The following ASTN1 variants were observed in gnomAD, a reference collection of about 807,000 sequenced individuals.
ASTN1 encodes the protein astrotactin 1.
Under a neutral mutation model 140.7 loss-of-function variants are expected in ASTN1, and 41 were observed. The observed-to-expected ratio is 0.29, with a 90% CI of 0.23 to 0.38. ASTN1 has a LOEUF of 0.38. ASTN1 is among the 10% of genes least tolerant of loss of function. The pLI is 1.00. For missense variants in ASTN1, 1,479 were observed against 1,678.8 expected (o/e 0.88, Z 2.08); for synonymous variants, 640 against 652.2 (o/e 0.98, Z 0.29).
intron 12 of ASTN1, among the ~76,000 whole-genome samples, chr1:176,948,597 C>G (rs1277624898): frequency 6.6e-6 from 1 of 152,066 alleles, no homozygotes; most frequent in East Asian, 1.9e-4. Context: ...TTGCCCTGCT[C>G]CCTCACAGAG....
In ASTN1 at chr1:177,032,500, G is replaced by C. The variant is rs1676491192; in HGVS notation, c.821C>G (p.Ser274Cys). ...CGACTTTTCATTGCAGCCCTGCAGG[G>C]AGTCGAGGGTGCGCGTGACCTGGCT... ...FASQVTRTLDSLQGCNEKSGM... is the reference protein window; with the variant it reads ...FASQVTRTLDCLQGCNEKSGM... Residue 274 changes from serine to cysteine, a missense_variant, in exon 3 of 23, where the codon TCC becomes TGC. Transcript: ENST00000361833. 2 of 1,614,116 alleles carry C rather than the reference G, an allele frequency of 1.2e-6. No individual in the cohort carries two copies. Among genetic ancestry groups the C allele is most frequent in the Non-Finnish European group, 8.5e-7 (1 of 1,180,026 alleles).
intron 1 of ASTN1, among the ~76,000 whole-genome samples, chr1:177,068,170 A>G (rs1678458532): frequency 6.6e-6 from 1 of 152,196 alleles, no homozygotes; most frequent in African/African-American, 2.4e-5. Flanking sequence ...TTGGGAAAGG[A>G]GTTCTCATTG....
At chr1:176,984,417 T>G (rs779047653) in intron 8 of ASTN1, among the ~76,000 whole-genome samples, 2 of 152,184 alleles carry the variant, frequency 1.3e-5, no homozygotes, top group African/African-American at 2.4e-5. Context: ...AATCAGTGCC[T>G]TGTAAGGTAG....
chr1:176,961,591 A>C (rs1055332079), intron 9 of ASTN1, among the ~76,000 whole-genome samples: 2 of 152,218 alleles, frequency 1.3e-5, no homozygotes, highest in African/African-American at 4.8e-5. Flanking sequence ...TGTAAATGGG[A>C]AAATTGGGAT....
chr1:176,949,488 T>C (rs1672101133), intron 11 of ASTN1, 137 bp from the exon 12 acceptor site: 4 of 1,005,742 alleles, frequency 4.0e-6, no homozygotes, highest in Non-Finnish European at 5.7e-6. Flanking sequence ...TCCATGAATT[T>C]CCTACCACAG....
chr1:177,141,317 C>G (rs976573644), intron 1 of ASTN1, among the ~76,000 whole-genome samples: 1 of 152,100 alleles, frequency 6.6e-6, no homozygotes, highest in Non-Finnish European at 1.5e-5. Flanking sequence ...CAGGACCTGG[C>G]GTGCAATGAA....
intron 8 of ASTN1, among the ~76,000 whole-genome samples, chr1:176,991,968 A>G (rs908775476): frequency 6.6e-6 from 1 of 152,246 alleles, no homozygotes; most frequent in African/African-American, 2.4e-5. Context: ...TACTAGTTTT[A>G]TGTATTAAAT....
intron 2 of ASTN1, among the ~76,000 whole-genome samples, chr1:177,043,194 C>T (rs1326946374): frequency 6.6e-6 from 1 of 152,206 alleles, no homozygotes; most frequent in Non-Finnish European, 1.5e-5. Flanking sequence ...GGCACTAATG[C>T]ACACAGACTC....
intron 8 of ASTN1, among the ~76,000 whole-genome samples, chr1:176,979,468 C>A (rs1024870941): frequency 4.6e-5 from 7 of 152,168 alleles, no homozygotes; most frequent in Non-Finnish European, 1.0e-4. Flanking sequence ...CTCAGAGAGG[C>A]CCCGGTTCCC....
intron 5 of ASTN1, among the ~76,000 whole-genome samples, chr1:177,027,638 CTTTT>C (rs1327777894): frequency 1.9e-4 from 29 of 150,172 alleles, no homozygotes; most frequent in Non-Finnish European, 3.4e-4. Context: ...CCCTTCAAGG[CTTTT>C]TATGTGCCAT....
intron 16 of ASTN1, among the ~76,000 whole-genome samples, chr1:176,915,238 G>A (rs1470354288): frequency 6.6e-6 from 1 of 152,104 alleles, no homozygotes; most frequent in Non-Finnish European, 1.5e-5. Context: ...ACATTACTGA[G>A]GACCTACCAT....
chr1:177,093,426 G>A (rs922679221), intron 1 of ASTN1, among the ~76,000 whole-genome samples: 12 of 152,046 alleles, frequency 7.9e-5, no homozygotes, highest in African/African-American at 2.7e-4. Flanking sequence ...AATTTAAGAA[G>A]GAAATAGTCT....
At chr1:176,991,418 AAAAAAAAAAAAAAAAACC>A (rs1674159068) in intron 8 of ASTN1, among the ~76,000 whole-genome samples, 1 of 11,616 alleles carries the variant, frequency 8.6e-5, no homozygotes, top group Non-Finnish European at 2.3e-4. Flanking sequence ...TGTCTCAAAA[AAAAAAAAAAAAAAAAACC>A]AAAAAAAAAA....
chr1:177,091,375 G>A (rs1383560878), intron 1 of ASTN1, among the ~76,000 whole-genome samples: 3 of 152,086 alleles, frequency 2.0e-5, no homozygotes, highest in Non-Finnish European at 2.9e-5. Context: ...CTTGAATGCA[G>A]TTTTAGGATT....
intron 16 of ASTN1, among the ~76,000 whole-genome samples, chr1:176,902,397 C>A (rs74127256): frequency 2.0e-5 from 3 of 152,220 alleles, no homozygotes; most frequent in Non-Finnish European, 2.9e-5. Flanking sequence ...GGTATCTATA[C>A]CCCGAACAGC....
chr1:176,898,002 G>C (rs1425716341), intron 16 of ASTN1, among the ~76,000 whole-genome samples: 3 of 152,156 alleles, frequency 2.0e-5, no homozygotes, highest in Non-Finnish European at 4.4e-5. Context: ...CTCCGGAGCT[G>C]AGGGTCCGAG....
intron 17 of ASTN1, among the ~76,000 whole-genome samples, chr1:176,891,972 T>C (rs1317125964): frequency 6.6e-6 from 1 of 152,112 alleles, no homozygotes. Context: ...GAAACTGAAG[T>C]AACAGCAGGA....
chr1:177,129,636 T>G (rs1429427001), intron 1 of ASTN1, among the ~76,000 whole-genome samples: 1 of 152,210 alleles, frequency 6.6e-6, no homozygotes, highest in Non-Finnish European at 1.5e-5. Flanking sequence ...CTAAAAGTCA[T>G]GCTATATTCT....
rs1301146232 is a variant in ASTN1 at position 177,120,797 on chromosome 1, AGAAAGG to A, written c.283+43591_283+43596del. 2.0e-5 allele frequency among the ~76,000 whole-genome samples: 3 copies of A among 152,200 alleles called. No homozygotes were observed. The East Asian group carries it at 5.8e-4, about 29-fold the overall frequency. On this transcript the variant is annotated intron_variant, in intron 1 of 22. Coordinates refer to ENST00000361833, the MANE Select transcript of ASTN1 (RefSeq NM_004319.3). The stretch of plus-strand genomic sequence containing the variant: ...TATCTAGGCACTGAGTCCAGGCACC[AGAAAGG>A]GGGCATTCACCTAACTGGACGATGT...
Sources: gnomAD v4.1 joint callset for allele counts (sites outside exome capture counted in the v4.1 genomes callset) on GRCh38, gnomAD v4.1.1 for gene constraint, MANE v1.5 for transcripts, NCBI Gene and HGNC (gene_info 2026-07-23, HGNC 2026-07-21) for gene names.